The following NUBPL variants were observed in gnomAD, a reference collection of about 807,000 sequenced individuals.
The protein encoded by NUBPL is NUBP iron-sulfur cluster assembly factor, mitochondrial, also known as iron-sulfur cluster transfer protein NUBPL.
Under a neutral mutation model 45.7 loss-of-function variants are expected in NUBPL, and 31 were observed. The observed-to-expected ratio is 0.68, with a 90% CI of 0.51 to 0.92. The LOEUF (loss-of-function observed/expected upper bound fraction) is 0.92. NUBPL is among the 40% of genes least tolerant of loss of function. NUBPL has a pLI of 0.00. For missense variants in NUBPL, 401 were observed against 398.7 expected (o/e 1.01, Z -0.05); for synonymous variants, 144 against 140.9 (o/e 1.02, Z -0.15).
At chr14:31,593,065 C>T (rs1390815370) in intron 3 of NUBPL, among the ~76,000 whole-genome samples, 1 of 151,784 alleles carries the variant, frequency 6.6e-6, no homozygotes, top group African/African-American at 2.4e-5. Flanking sequence ...AAGAACAATA[C>T]AACAATAAAA....
chr14:31,581,272 A>G (rs1225217126), intron 3 of NUBPL, among the ~76,000 whole-genome samples: 1 of 150,878 alleles, frequency 6.6e-6, no homozygotes. Context: ...ATGATTTTAA[A>G]GTGTGCAATT....
chr14:31,681,537 C>T (rs1219537075), intron 6 of NUBPL, among the ~76,000 whole-genome samples: 1 of 149,410 alleles, frequency 6.7e-6, no homozygotes, highest in Non-Finnish European at 1.5e-5. Context: ...ATGTTTGTTT[C>T]TTATTTCATT....
intron 7 of NUBPL, among the ~76,000 whole-genome samples, chr14:31,804,081 A>G (rs2039641046): frequency 1.3e-5 from 2 of 152,158 alleles, no homozygotes; most frequent in African/African-American, 2.4e-5. Flanking sequence ...TTAAGAAGAA[A>G]TAAACTCTTT....
intron 6 of NUBPL, among the ~76,000 whole-genome samples, chr14:31,728,587 A>G (rs898143594): frequency 5.9e-5 from 9 of 152,214 alleles, no homozygotes; most frequent in African/African-American, 2.2e-4. Flanking sequence ...TCAGTTAATG[A>G]CTGCAAAGTA....
chr14:31,801,236 C>T (rs1158688727), intron 7 of NUBPL: 1 of 152,278 alleles, frequency 6.6e-6, no homozygotes, highest in Non-Finnish European at 1.5e-5. Context: ...TTTTGTCCCT[C>T]CTGATAGTGG....
At chr14:31,602,097 G>A (rs1028302827) in intron 4 of NUBPL, among the ~76,000 whole-genome samples, 68 of 152,248 alleles carry the variant, frequency 4.5e-4, no homozygotes, top group African/African-American at 1.6e-3. Flanking sequence ...TAGGGACATG[G>A]ATGAAACTGG....
chr14:31,637,556 G>C (rs984161061), intron 4 of NUBPL, among the ~76,000 whole-genome samples: 1 of 152,182 alleles, frequency 6.6e-6, no homozygotes, highest in Admixed American at 6.5e-5. Context: ...TGAAAAAAAT[G>C]TATATTCTGT....
intron 7 of NUBPL, among the ~76,000 whole-genome samples, chr14:31,802,288 T>TTC (rs1876172232): frequency 1.3e-5 from 2 of 148,390 alleles, no homozygotes; most frequent in African/African-American, 5.1e-5. Context: ...TCTTCTTCTT[T>TTC]TTTTTTTTGA....
At chr14:31,805,743 G>C (rs1393232761) in intron 7 of NUBPL, among the ~76,000 whole-genome samples, 1 of 152,044 alleles carries the variant, frequency 6.6e-6, no homozygotes, top group East Asian at 1.9e-4. Context: ...AACACACTGG[G>C]GCCTCTCAGA....
rs376798211 is a variant in NUBPL at position 31,819,153 on chromosome 14, AAGAC to A, written c.608-7472_608-7469del. Among the ~76,000 whole-genome samples the A allele has an allele frequency of 1.9e-3, 282 of 152,280 alleles. 1 individual carries two copies. Among genetic ancestry groups the A allele is most frequent in the African/African-American group, 6.4e-3 (264 of 41,558 alleles). ...CAGGAATTTTGGGGGTGACAGGAGA[AAGAC>A]AGAGGAGAGCTAAAAAATACCAATG... On this transcript the variant is annotated intron_variant, in intron 7 of 10. Coordinates refer to ENST00000281081, the MANE Select transcript of NUBPL (RefSeq NM_025152.3).
chr14:31,692,386 C>A (rs1285413606), intron 6 of NUBPL, among the ~76,000 whole-genome samples: 1 of 152,044 alleles, frequency 6.6e-6, no homozygotes, highest in African/African-American at 2.4e-5. Flanking sequence ...ATTGAAAAAA[C>A]CAACTTTAGT....
intron 4 of NUBPL, among the ~76,000 whole-genome samples, chr14:31,669,666 C>T (rs941101308): frequency 3.3e-5 from 5 of 151,874 alleles, no homozygotes; most frequent in Non-Finnish European, 7.4e-5. Flanking sequence ...TCTTTGTGTC[C>T]CTAAGTTCTT....
At chr14:31,853,340 G>GCCAT (rs1242655255) in intron 10 of NUBPL, among the ~76,000 whole-genome samples, 1 of 152,176 alleles carries the variant, frequency 6.6e-6, no homozygotes, top group African/African-American at 2.4e-5. Context: ...ACAGACATGA[G>GCCAT]CCATCACACC....
intron 6 of NUBPL, among the ~76,000 whole-genome samples, chr14:31,729,796 C>T (rs2038010821): frequency 6.6e-6 from 1 of 152,112 alleles, no homozygotes; most frequent in Non-Finnish European, 1.5e-5. Context: ...AAACAGAATT[C>T]CTAAGTAGGT....
At chr14:31,631,026 A>G (rs7152244) in intron 4 of NUBPL, among the ~76,000 whole-genome samples, 55,959 of 151,346 alleles carry the variant, frequency 0.37, 12,680 homozygotes, top group East Asian at 0.6. Flanking sequence ...TCTTTTCTCA[A>G]CTCACCAAGA....
intron 6 of NUBPL, among the ~76,000 whole-genome samples, chr14:31,705,027 A>G (rs1791062376): frequency 6.6e-6 from 1 of 152,144 alleles, no homozygotes; most frequent in Admixed American, 6.5e-5. Flanking sequence ...TGAGTGTTAC[A>G]GCTCTTAAAG....
chr14:31,599,439 G>A (rs2034368016), intron 4 of NUBPL, 60 bp downstream of exon 4: 1 of 1,153,382 alleles, frequency 8.7e-7, no homozygotes, highest in African/African-American at 1.5e-5. Flanking sequence ...TACTTACTGG[G>A]TGTCAGACAT....
At chr14:31,561,669 G>A in intron 1 of NUBPL, 122 bp downstream of exon 1, 1 of 677,868 alleles carries the variant, frequency 1.5e-6, no homozygotes, top group Non-Finnish European at 2.3e-6. Flanking sequence ...CCAGTGTGCT[G>A]GACGTGCCTA....
At chr14:31,853,213 T>C (rs931586966) in intron 10 of NUBPL, among the ~76,000 whole-genome samples, 1 of 152,020 alleles carries the variant, frequency 6.6e-6, no homozygotes, top group African/African-American at 2.4e-5. Context: ...CACCACCACA[T>C]CCAGCTAATT....
Sources: gnomAD v4.1 joint callset for allele counts (sites outside exome capture counted in the v4.1 genomes callset) on GRCh38, gnomAD v4.1.1 for gene constraint, MANE v1.5 for transcripts, NCBI Gene and HGNC (gene_info 2026-07-23, HGNC 2026-07-21) for gene names.